Variants in SYNE1 observed in about 807,000 individuals in gnomAD.
The protein encoded by SYNE1 is nesprin-1.
In SYNE1, 616 loss-of-function variants were observed where a neutral mutation model predicts 1,111.0. The observed-to-expected ratio is 0.55, with a 90% CI of 0.52 to 0.59. The LOEUF (loss-of-function observed/expected upper bound fraction) is 0.59, where lower values mean the gene tolerates loss of function less well. Among genes scored for constraint, SYNE1 ranks in the 20% least tolerant of loss-of-function variants. The pLI is 0.00. For synonymous variants in SYNE1, 3,855 were observed against 3,825.8 expected, an observed-to-expected ratio of 1.01 and a Z score of -0.28; for missense variants, 10,006 against 10,417.0, an observed-to-expected ratio of 0.96 and a Z score of 1.72.
At chr6:152,631,029 G>T (rs1387743533) in intron 2 of SYNE1, among the ~76,000 whole-genome samples, 1 of 152,184 alleles carries the variant, frequency 6.6e-6, no homozygotes, top group African/African-American at 2.4e-5. Flanking sequence ...TACTAAGGTG[G>T]ATATGACACA....
chr6:152,336,637 C>T, intron 76 of SYNE1: 3 of 662,810 alleles, frequency 4.5e-6, no homozygotes, highest in Middle Eastern at 3.8e-4. Flanking sequence ...TGCTCGCCTC[C>T]CACTGTGCGG....
chr6:152,534,401 A>T (rs2099223513), intron 4 of SYNE1, among the ~76,000 whole-genome samples: 1 of 152,142 alleles, frequency 6.6e-6, no homozygotes, highest in South Asian at 2.1e-4. Flanking sequence ...TTTTAATTAC[A>T]TATTTGGAAA....
At chr6:152,406,496 A>C (rs566507412) in intron 45 of SYNE1, among the ~76,000 whole-genome samples, 3,520 of 144,464 alleles carry the variant, frequency 0.024, 130 homozygotes, top group African/African-American at 0.084. Flanking sequence ...AAAAAAAAAA[A>C]CCCTTTTATT....
At chr6:152,138,237 G>T (rs1391736757) in intron 140 of SYNE1, among the ~76,000 whole-genome samples, 1 of 152,090 alleles carries the variant, frequency 6.6e-6, no homozygotes, top group Non-Finnish European at 1.5e-5. Context: ...CAGACCAGGC[G>T]CAATGGCTCA....
intron 3 of SYNE1, among the ~76,000 whole-genome samples, chr6:152,617,820 C>A (rs904080251): frequency 6.6e-6 from 1 of 152,148 alleles, no homozygotes; most frequent in Non-Finnish European, 1.5e-5. Context: ...AGGATTTGAG[C>A]TGAGTCTTGA....
Position 152,399,742 on chromosome 6 carries a change from G to T in SYNE1, c.7111C>A (p.His2371Asn), listed in dbSNP as rs112061681. ...CCCAGGCTCTCCAACTCAGCTGAGT[G>T]GTACTTGCGGCACAAGCTATTGAGA... ...ENLNSLCRKY[H>N]SAELESLGRA... Residue 2371 changes from histidine (H) to asparagine (N), a missense_variant, in exon 48 of 146, where the codon CAC becomes AAC. Around this residue, in one of 7 missense-constraint regions of SYNE1, gnomAD observed 4,955 missense variants for 5,017.2 expected, o/e 0.99. Transcript: ENST00000367255. The T allele has an allele frequency of 5.0e-6, 8 of 1,614,134 alleles. No individual in the cohort carries two copies. The highest frequency in any genetic ancestry group is 3.3e-5 in the South Asian group (3 of 91,076).
At chr6:152,193,997 A>T (rs2073375929) in intron 127 of SYNE1, among the ~76,000 whole-genome samples, 1 of 141,168 alleles carries the variant, frequency 7.1e-6, no homozygotes, top group Admixed American at 7.4e-5. Flanking sequence ...TGGGCAGCAG[A>T]GCAAGACTGT....
At chr6:152,174,839 G>T (rs541501220) in intron 130 of SYNE1, among the ~76,000 whole-genome samples, 1 of 152,324 alleles carries the variant, frequency 6.6e-6, no homozygotes, top group South Asian at 2.1e-4. Flanking sequence ...CCGTAGCATG[G>T]TCATTGGAAT....
At chr6:152,309,059 C>T (rs993439841) in intron 90 of SYNE1, among the ~76,000 whole-genome samples, 5 of 152,178 alleles carry the variant, frequency 3.3e-5, no homozygotes, top group African/African-American at 1.2e-4. Flanking sequence ...TGGCTCAAGC[C>T]TGTAATCTCA....
chr6:152,233,983 TC>T lies in SYNE1; in HGVS notation c.20530-21del. The T allele has an allele frequency of 6.2e-7, 1 of 1,612,650 alleles. No homozygotes were observed. Among genetic ancestry groups the T allele is most frequent in the Non-Finnish European group, 8.5e-7 (1 of 1,179,490 alleles). ...AAACTCCTGAAACAAGTAGCGATGT[TC>T]AAATTAGGGTTAAATAGCTAGACCA... On this transcript the variant is annotated intron_variant, in intron 111 of 145. Transcript: ENST00000367255.
chr6:152,125,504 C>T, intron 145 of SYNE1: 2 of 1,101,276 alleles, frequency 1.8e-6, no homozygotes, highest in South Asian at 2.0e-5. Flanking sequence ...CAATGGTTTG[C>T]CTTAAAGTGT....
chr6:152,353,287 C>T lies in SYNE1; in HGVS notation c.11229G>A (p.Met3743Ile), dbSNP rs1160372578. 1 of 1,614,170 alleles carries T rather than the reference C, an allele frequency of 6.2e-7. No individual in the cohort carries two copies. Among genetic ancestry groups the T allele is most frequent in the Non-Finnish European group, 8.5e-7 (1 of 1,180,046 alleles). Reference protein sequence around the residue: ...TKIDKVDTVMMGKKLKTLEVL... With the variant: ...TKIDKVDTVMIGKKLKTLEVL... ...CCTCCAACGTCTTCAATTTCTTCCCCATCATTACTGTATCTACTTTGTCAA... is the reference window on the plus strand; with the variant it reads ...CCTCCAACGTCTTCAATTTCTTCCCTATCATTACTGTATCTACTTTGTCAA... Residue 3743 changes from methionine to isoleucine, a missense_variant, in exon 69 of 146, where the codon ATG becomes ATA. By Grantham distance (10) the Met-to-Ile change is conservative (BLOSUM62 1). This residue lies in a region of SYNE1 where 4,955 missense variants were observed against 5,017.2 expected (regional missense o/e 0.99). Transcript: ENST00000367255.
chr6:152,433,364 T>C (rs547844640), intron 34 of SYNE1, among the ~76,000 whole-genome samples: 13 of 152,256 alleles, frequency 8.5e-5, no homozygotes, highest in African/African-American at 3.1e-4. Flanking sequence ...GAAAGATGCT[T>C]TTCAAACTCC....
intron 107 of SYNE1, among the ~76,000 whole-genome samples, chr6:152,241,500 C>CTGTG (rs1231628952): frequency 2.6e-4 from 19 of 74,164 alleles, no homozygotes; most frequent in Middle Eastern, 5.2e-3. Flanking sequence ...AATGCAAGAG[C>CTGTG]TGTGTGTGTG....
intron 127 of SYNE1, among the ~76,000 whole-genome samples, chr6:152,189,855 G>C (rs2071703864): frequency 6.6e-6 from 1 of 152,186 alleles, no homozygotes; most frequent in African/African-American, 2.4e-5. Flanking sequence ...ATGAAGGCTA[G>C]GGTGGCTCTG....
intron 30 of SYNE1, 111 bp downstream of exon 30, chr6:152,444,300 A>T (rs2098557099): frequency 8.1e-7 from 1 of 1,239,500 alleles, no homozygotes; most frequent in African/African-American, 1.5e-5. Context: ...CTTCCTTCCC[A>T]TGCCCCCTCA....
rs574789279 is a variant in SYNE1 at position 152,362,161 on chromosome 6, A to G, written c.10299+9T>C. 3 of 1,614,198 alleles carry G rather than the reference A, an allele frequency of 1.9e-6. No homozygotes were observed. The South Asian group carries it at 3.3e-5, about 18-fold the overall frequency. On this transcript the variant is annotated intron_variant, in intron 64 of 145. Transcript: ENST00000367255. ...AGAAAACACATGGAATCTGAAATCC[A>G]GCTCTCACCTTGGCTTTTCCGAGCA... is the stretch of plus-strand genomic sequence containing the variant.
intron 128 of SYNE1, 34 bp from the exon 129 acceptor site, chr6:152,180,328 G>A: frequency 1.2e-6 from 2 of 1,607,908 alleles, no homozygotes; most frequent in Non-Finnish European, 1.7e-6. Flanking sequence ...TAGGCAAAAT[G>A]ATTATCAGAG....
In SYNE1 at chr6:152,539,973, G is replaced by C. The variant is rs886043971; in HGVS notation, c.116C>G (p.Ser39Cys). ...AGTTTCCTTTACCTTGGCCAGATGA[G>C]AGTTGATCCATTTTGTGAAAGTTCG... ...QKRTFTKWIN[S>C]HLAKRKPPMV... The change falls in exon 4 of 146, where the codon TCT becomes TGT. Residue 39 changes from serine to cysteine, a missense_variant. Around this residue, in one of 7 missense-constraint regions of SYNE1, gnomAD observed 1,971 missense variants for 2,084.1 expected, o/e 0.95. Coordinates refer to ENST00000367255, the MANE Select transcript of SYNE1 (RefSeq NM_182961.4). The C allele has an allele frequency of 9.9e-6, 16 of 1,613,806 alleles. No individual in the cohort carries two copies. The highest frequency in any genetic ancestry group is 1.0e-5 in the Non-Finnish European group (12 of 1,179,900).
Sources: gnomAD v4.1 joint callset for allele counts (sites outside exome capture counted in the v4.1 genomes callset) on GRCh38, gnomAD v4.1.1 for gene constraint, gnomAD v4.1.1 regional missense constraint, MANE v1.5 for transcripts, NCBI Gene and HGNC (gene_info 2026-07-23, HGNC 2026-07-21) for gene names.